KLHL1: variants seen among roughly 807,000 people sequenced by gnomAD.
The protein encoded by KLHL1 is kelch-like protein 1.
KLHL1 carries 47 observed loss-of-function variants against 77.7 expected under a neutral mutation model. The observed-to-expected ratio is 0.60, with a 90% CI of 0.48 to 0.77. KLHL1 has a LOEUF of 0.77. KLHL1 is among the 30% of genes least tolerant of loss of function. The pLI, the probability that KLHL1 is intolerant of heterozygous loss-of-function variation, is 0.00. For synonymous variants in KLHL1, 360 were observed against 325.2 expected (o/e 1.11, Z -1.15); for missense variants, 925 against 910.8 (o/e 1.02, Z -0.20).
At chr13:69,884,426 CAAAAAAAA>C (rs60883710) in intron 4 of KLHL1, among the ~76,000 whole-genome samples, 1 of 64,900 alleles carries the variant, frequency 1.5e-5, no homozygotes, top group African/African-American at 4.4e-5. Context: ...TCAGATTTTT[CAAAAAAAA>C]AAAAAAAAAA....
intron 7 of KLHL1, among the ~76,000 whole-genome samples, chr13:69,743,360 G>T (rs1874063475): frequency 6.6e-6 from 1 of 152,090 alleles, no homozygotes; most frequent in Non-Finnish European, 1.5e-5. Flanking sequence ...AAAGTACAAG[G>T]TAGTAGATTG....
intron 1 of KLHL1, among the ~76,000 whole-genome samples, chr13:70,054,225 T>C (rs1886692278): frequency 6.6e-6 from 1 of 152,140 alleles, no homozygotes; most frequent in Non-Finnish European, 1.5e-5. Context: ...ATAGGTATTA[T>C]TATCTAAATT....
chr13:70,036,835 C>CTT (rs5804467), intron 1 of KLHL1, among the ~76,000 whole-genome samples: 180 of 50,484 alleles, frequency 3.6e-3, no homozygotes, highest in South Asian at 4.2e-3. Context: ...ATGCCATGGT[C>CTT]TTTTTTTTTT....
intron 8 of KLHL1, among the ~76,000 whole-genome samples, chr13:69,724,897 AT>A (rs1222451147): frequency 6.6e-6 from 1 of 152,176 alleles, no homozygotes; most frequent in African/African-American, 2.4e-5. Context: ...TAAAAAATCT[AT>A]TATGCAGGAG....
At chr13:70,052,666 C>T (rs1286183360) in intron 1 of KLHL1, among the ~76,000 whole-genome samples, 1 of 151,512 alleles carries the variant, frequency 6.6e-6, no homozygotes, top group Non-Finnish European at 1.5e-5. Context: ...CTCTTTATTT[C>T]CCCTTAAAAG....
At position 69,975,723 on chromosome 13, in the gene KLHL1, G is replaced by T; in HGVS notation, c.577C>A (p.His193Asn). The T allele has an allele frequency of 6.2e-7, 1 of 1,613,418 alleles. No individual in the cohort carries two copies. Among genetic ancestry groups the T allele is most frequent in the Middle Eastern group, 1.7e-4 (1 of 6,052 alleles). Residue 193 changes from histidine to asparagine, a missense_variant, in exon 2 of 11, where the codon CAT (histidine) becomes AAT (asparagine). Coordinates refer to ENST00000377844, the MANE Select transcript of KLHL1 (RefSeq NM_020866.3). Reference sequence around the variant, plus strand: ...TTTCTGAAGGTTTGCTCAGCATGATGAACAGCTTGATAGAATTCTTCAGAG... The same window carrying T: ...TTTCTGAAGGTTTGCTCAGCATGATTAACAGCTTGATAGAATTCTTCAGAG... ...SSSEEFYQAV[H>N]HAEQTFRKME...
rs1422705958 is a variant in KLHL1 at position 69,997,999 on chromosome 13, T to C, written c.498-22197A>G. On this transcript the variant is annotated intron_variant, in intron 1 of 10. Transcript: ENST00000377844. ...GTGGGATCACTGAATTACATGATAG[T>C]TCTACTTTAATGTTGTGAAGAACTG... 2.6e-5 allele frequency among the ~76,000 whole-genome samples: 4 copies of C among 151,842 alleles called. No homozygotes were observed. In the East Asian group the frequency reaches 7.7e-4, roughly 29 times the overall value.
intron 5 of KLHL1, among the ~76,000 whole-genome samples, chr13:69,872,889 A>G (rs1032013003): frequency 6.6e-6 from 1 of 152,098 alleles, no homozygotes; most frequent in Admixed American, 6.6e-5. Flanking sequence ...TGACACAAAC[A>G]TCTTTCATTA....
At chr13:70,080,125 A>C (rs1366353817) in intron 1 of KLHL1, among the ~76,000 whole-genome samples, 1 of 152,166 alleles carries the variant, frequency 6.6e-6, no homozygotes, top group East Asian at 1.9e-4. Context: ...TAGTGTAAGA[A>C]TCTGGCAGAG....
intron 7 of KLHL1, among the ~76,000 whole-genome samples, chr13:69,744,330 T>C (rs1230178755): frequency 6.6e-6 from 1 of 152,078 alleles, no homozygotes; most frequent in Admixed American, 6.6e-5. Flanking sequence ...TCTGACCAAC[T>C]GCATATTTCC....
intron 1 of KLHL1, among the ~76,000 whole-genome samples, chr13:70,048,615 T>C (rs1406642134): frequency 6.6e-6 from 1 of 152,214 alleles, no homozygotes; most frequent in African/African-American, 2.4e-5. Context: ...CATCAGGCAC[T>C]GATTTCTCAT....
Position 69,826,542 on chromosome 13 carries a change from T to C in KLHL1, c.1414+12434A>G, listed in dbSNP as rs75081775. Among the ~76,000 whole-genome samples, 175 of 152,224 alleles carry C rather than the reference T, an allele frequency of 1.1e-3. 1 individual carries two copies. Among genetic ancestry groups the C allele is most frequent in the African/African-American group, 3.9e-3 (163 of 41,524 alleles). ...TTGCAGTTAGCCAAGATCCTGCCGT[T>C]GCACTCCAGCCTAGGCAACAAGAGC... On this transcript the variant is annotated intron_variant, in intron 6 of 10. Coordinates refer to ENST00000377844, the MANE Select transcript of KLHL1 (RefSeq NM_020866.3).
At chr13:69,944,883 A>G (rs1883469002) in intron 3 of KLHL1, among the ~76,000 whole-genome samples, 1 of 152,134 alleles carries the variant, frequency 6.6e-6, no homozygotes, top group Non-Finnish European at 1.5e-5. Context: ...AGATATGTGT[A>G]CAAAAACTTG....
intron 7 of KLHL1, among the ~76,000 whole-genome samples, chr13:69,759,454 T>C (rs1874917161): frequency 6.6e-6 from 1 of 152,196 alleles, no homozygotes; most frequent in South Asian, 2.1e-4. Flanking sequence ...TAATGATAAT[T>C]TGGAGACATT....
chr13:69,804,339 A>G (rs1253688944), intron 6 of KLHL1, among the ~76,000 whole-genome samples: 1 of 152,046 alleles, frequency 6.6e-6, no homozygotes, highest in Non-Finnish European at 1.5e-5. Flanking sequence ...ATGTTTGTAC[A>G]CTCTAGTTTG....
chr13:69,737,391 G>A (rs1055999161), intron 8 of KLHL1, among the ~76,000 whole-genome samples: 1 of 152,244 alleles, frequency 6.6e-6, no homozygotes, highest in Non-Finnish European at 1.5e-5. Flanking sequence ...AGGGAGCCAA[G>A]TGGCCTCGCT....
intron 4 of KLHL1, among the ~76,000 whole-genome samples, chr13:69,919,101 C>T (rs1361899667): frequency 2.0e-5 from 3 of 151,920 alleles, no homozygotes; most frequent in South Asian, 2.1e-4. Context: ...TGGTCTAATT[C>T]GGCATTTTGC....
intron 6 of KLHL1, among the ~76,000 whole-genome samples, chr13:69,836,185 T>C (rs376718836): frequency 8.5e-5 from 13 of 152,168 alleles, no homozygotes; most frequent in East Asian, 7.8e-4. Context: ...TTGCAATGCA[T>C]GTGGGCTGAG....
rs35761520 is a variant in KLHL1 at position 69,903,630 on chromosome 13, CTTTTTTTTTT to C, written c.1015-21145_1015-21136del. On this transcript the variant is annotated intron_variant, in intron 4 of 10. Coordinates refer to ENST00000377844, the MANE Select transcript of KLHL1 (RefSeq NM_020866.3). ...TTTGCAGAAAACCCTTGTTCACATT[CTTTTTTTTTT>C]TTTTTTTTTTTTTTTTTTTTGAGAT... 8.8e-3 allele frequency among the ~76,000 whole-genome samples: 443 copies of C among 50,182 alleles called. 2 individuals carry two copies. Among genetic ancestry groups the C allele is most frequent in the African/African-American group, 0.035 (368 of 10,370 alleles). The allele number at this position is 50,182 out of a possible 152,430, so 32.9% of individuals were successfully genotyped here.
Sources: allele counts gnomAD v4.1 joint callset (sites outside exome capture counted in the v4.1 genomes callset), GRCh38; gene constraint gnomAD v4.1.1; transcripts MANE v1.5; gene names NCBI Gene and HGNC (gene_info 2026-07-23, HGNC 2026-07-21).